CFAP74: variants seen among roughly 807,000 people sequenced by gnomAD.
CFAP74 encodes cilia and flagella associated protein 74.
A neutral mutation model predicts 188.9 loss-of-function variants in CFAP74; 124 were observed. That is an observed-to-expected ratio of 0.66 (90% CI 0.57 to 0.76). The LOEUF (loss-of-function observed/expected upper bound fraction) is 0.76, where lower values mean the gene tolerates loss of function less well. CFAP74 is among the 30% of genes least tolerant of loss of function. CFAP74 has a pLI of 0.00. For missense variants in CFAP74, 2,198 were observed against 2,165.2 expected, an observed-to-expected ratio of 1.02 and a Z score of -0.30; for synonymous variants, 956 against 916.7, an observed-to-expected ratio of 1.04 and a Z score of -0.77.
chr1:1,955,392 C>T, intron 18 of CFAP74: 1 of 1,391,388 alleles, frequency 7.2e-7, no homozygotes, highest in Non-Finnish European at 9.5e-7. Context: ...CTCCAGGGGG[C>T]ACCGCAGAGC....
intron 2 of CFAP74, among the ~76,000 whole-genome samples, chr1:1,990,525 A>G (rs1382781182): frequency 6.6e-6 from 1 of 152,150 alleles, no homozygotes; most frequent in Non-Finnish European, 1.5e-5. Context: ...TGTGCCCAGA[A>G]CTAGAACCAA....
Position 1,923,309 on chromosome 1 carries a change from C to CT in CFAP74, c.4522+57_4522+58insA, listed in dbSNP as rs1210091920. On this transcript the variant is annotated intron_variant, in intron 36 of 38. Transcript: ENST00000682832. The surrounding 1 kb of genome is among the most constrained non-coding windows in gnomAD (Gnocchi z 6.3). ...TCCGCTGGGTCTCGGGGCCCCCATC[C>CT]ACGGGACAGGGGCACCGGGAGGCCC... is the stretch of plus-strand genomic sequence containing the variant. 1 of 1,520,084 alleles carries CT rather than the reference C, an allele frequency of 6.6e-7. No individual in the cohort carries two copies. The highest frequency in any genetic ancestry group is 8.9e-7 in the Non-Finnish European group (1 of 1,127,898). The allele number at this position is 1,520,084 out of a possible 1,614,324, so 94.2% of individuals were successfully genotyped here.
At chr1:1,993,533 G>A (rs115097420) in intron 1 of CFAP74, among the ~76,000 whole-genome samples, 2,123 of 151,856 alleles carry the variant, frequency 0.014, 63 homozygotes, top group African/African-American at 0.049. Flanking sequence ...TGATCCACCT[G>A]CCTTGGCCTT....
At chr1:1,962,698 A>G (rs1291346178) in intron 14 of CFAP74, among the ~76,000 whole-genome samples, 2 of 152,096 alleles carry the variant, frequency 1.3e-5, no homozygotes, top group African/African-American at 4.8e-5. Context: ...CAGCCTGGGA[A>G]ACACAGTGAA....
chr1:1,939,364 G>A lies in CFAP74; in HGVS notation c.2877+230C>T, dbSNP rs113161043. ...GGAAAGTTTCAGAAGAAAGAGCGGG[G>A]AGAGGGATCTGGAGCGCAGGAGGTG... On this transcript the variant is annotated intron_variant, in intron 24 of 38. Coordinates refer to ENST00000682832, the MANE Select transcript of CFAP74 (RefSeq NM_001304360.2). 2.2e-3 allele frequency among the ~76,000 whole-genome samples: 334 copies of A among 152,354 alleles called. 1 individual carries two copies. The highest frequency in any genetic ancestry group is 7.4e-3 in the African/African-American group (309 of 41,578).
rs972844310 is a variant in CFAP74, at chr1:1,968,258, G to A, written c.1245+377C>T. 2.6e-5 allele frequency among the ~76,000 whole-genome samples: 4 copies of A among 152,168 alleles called. No individual in the cohort carries two copies. Among genetic ancestry groups the A allele is most frequent in the Non-Finnish European group, 4.4e-5 (3 of 68,028 alleles). Reference sequence around the variant, plus strand: ...TGTAGCAGGGTGATCCCAGGCATGTGGTCTGAACGGCTGTGCACATCTCCC... The same window carrying A: ...TGTAGCAGGGTGATCCCAGGCATGTAGTCTGAACGGCTGTGCACATCTCCC... On this transcript the variant is annotated intron_variant, in intron 11 of 38. Coordinates refer to ENST00000682832, the MANE Select transcript of CFAP74 (RefSeq NM_001304360.2). The surrounding 1 kb of genome is among the most constrained non-coding windows in gnomAD (Gnocchi z 4.3).
chr1:1,954,976 G>T, intron 18 of CFAP74: 1 of 1,209,370 alleles, frequency 8.3e-7, no homozygotes, highest in Non-Finnish European at 1.0e-6. Context: ...TCTAGAACCC[G>T]AGGCTCTCTC....
intron 14 of CFAP74, among the ~76,000 whole-genome samples, chr1:1,960,640 G>A (rs1197351980): frequency 1.3e-5 from 2 of 152,382 alleles, no homozygotes; most frequent in East Asian, 1.9e-4. Context: ...TTTACCTAAT[G>A]TGCTTGGTTT....
chr1:1,967,057 C>T lies in CFAP74; in HGVS notation c.1246-531G>A, dbSNP rs117809494. Among the ~76,000 whole-genome samples, 517 of 152,268 alleles carry T rather than the reference C, an allele frequency of 3.4e-3. 7 individuals are homozygous for T. In the East Asian group the frequency reaches 0.034, roughly 10 times the overall value. Reference sequence around the variant, plus strand: ...TTCACTATGTTGGCCAGGCTGGTCTCGAACTCTTGATCTCATGATCCACTC... The same window carrying T: ...TTCACTATGTTGGCCAGGCTGGTCTTGAACTCTTGATCTCATGATCCACTC... On this transcript the variant is annotated intron_variant, in intron 11 of 38. Transcript: ENST00000682832.
At chr1:1,944,306 T>C (rs1220291892) in intron 21 of CFAP74, 25 bp downstream of exon 21, 2 of 1,531,766 alleles carry the variant, frequency 1.3e-6, no homozygotes, top group Middle Eastern at 2.1e-4. Flanking sequence ...GGTCACCCCG[T>C]GTGCATGGAC....
intron 9 of CFAP74, among the ~76,000 whole-genome samples, 193 bp downstream of exon 9, chr1:1,971,787 G>A (rs917716911): frequency 6.6e-4 from 100 of 152,368 alleles, no homozygotes; most frequent in Middle Eastern, 3.4e-3. Context: ...TGACTCCAGT[G>A]CCTGGCCCTG....
At chr1:1,976,700 G>A (rs1424065451) in intron 6 of CFAP74, among the ~76,000 whole-genome samples, 2 of 152,004 alleles carry the variant, frequency 1.3e-5, no homozygotes, top group East Asian at 1.9e-4. Flanking sequence ...GCACCACCAC[G>A]CCCAGCTAGT....
Position 1,996,749 on chromosome 1 carries a change from C to T in CFAP74, c.-19-5774G>A, listed in dbSNP as rs186049958. On this transcript the variant is annotated intron_variant, in intron 1 of 38. Transcript: ENST00000682832. The stretch of plus-strand genomic sequence containing the variant: ...CAGCCTGACCAACATGGTGAAACCC[C>T]GTCTCTACTAAAAATACAAAAATTA... Among the ~76,000 whole-genome samples the T allele has an allele frequency of 5.2e-4, 79 of 151,482 alleles. 1 individual carries two copies. The highest frequency in any genetic ancestry group is 1.7e-3 in the African/African-American group (72 of 41,280).
Position 1,942,178 on chromosome 1 carries a change from C to G in CFAP74, c.2487-22G>C, listed in dbSNP as rs1343103564. 6.7e-7 allele frequency: 1 copy of G among 1,483,622 alleles called. No homozygotes were observed. The highest frequency in any genetic ancestry group is 8.9e-7 in the Non-Finnish European group (1 of 1,121,494). 91.9% of individuals were successfully genotyped at this position (1,483,622 alleles called of 1,614,324 possible). ...CGACCTGTGGGCGTGTCGCAGGGCACTGGGTCAGGTGCCACAGTCGTGATT... is the reference window on the plus strand; with the variant it reads ...CGACCTGTGGGCGTGTCGCAGGGCAGTGGGTCAGGTGCCACAGTCGTGATT... On this transcript the variant is annotated intron_variant, in intron 21 of 38. Transcript: ENST00000682832. This position sits in a 1 kb window ranked among gnomAD's most constrained non-coding sequence, Gnocchi z 4.3.
At chr1:1,969,524 G>A (rs1655776177) in intron 10 of CFAP74, among the ~76,000 whole-genome samples, 1 of 152,030 alleles carries the variant, frequency 6.6e-6, no homozygotes, top group African/African-American at 2.4e-5. Flanking sequence ...AGCAGCCTTG[G>A]CTGCCCGGAG....
intron 18 of CFAP74, among the ~76,000 whole-genome samples, chr1:1,951,186 G>A (rs1194040321): frequency 6.6e-6 from 1 of 152,120 alleles, no homozygotes; most frequent in Non-Finnish European, 1.5e-5. Context: ...ACAGCGGCAG[G>A]AGAGAGAGAG....
intron 6 of CFAP74, among the ~76,000 whole-genome samples, chr1:1,982,690 C>T (rs1252974502): frequency 1.3e-5 from 2 of 152,242 alleles, no homozygotes; most frequent in African/African-American, 2.4e-5. Flanking sequence ...GCAGCCGGGC[C>T]CACAGGAGGA....
At chr1:1,999,842 T>C (rs1658108893) in intron 1 of CFAP74, among the ~76,000 whole-genome samples, 1 of 146,620 alleles carries the variant, frequency 6.8e-6, no homozygotes, top group Admixed American at 6.9e-5. Flanking sequence ...ACCAAATCTT[T>C]TGTTCAGATG....
In CFAP74 at chr1:1,991,850, T is replaced by C. The variant is rs529138263; in HGVS notation, c.-19-875A>G. Among the ~76,000 whole-genome samples, 391 of 151,878 alleles carry C rather than the reference T, an allele frequency of 2.6e-3. 8 individuals are homozygous for C. In the East Asian group the frequency reaches 0.05, roughly 19 times the overall value. The stretch of plus-strand genomic sequence containing the variant: ...GTCAGGAGATCGAGACTATCCTGGC[T>C]AGCACAGTGAAACCCCATCTCTACT... On this transcript the variant is annotated intron_variant, in intron 1 of 38. Transcript: ENST00000682832.
Sources: gnomAD v4.1 joint callset for allele counts (sites outside exome capture counted in the v4.1 genomes callset) on GRCh38, gnomAD v4.1.1 for gene constraint, Gnocchi (gnomAD v3.1) non-coding constraint, MANE v1.5 for transcripts, NCBI Gene and HGNC (gene_info 2026-07-23, HGNC 2026-07-21) for gene names.